Variants in SNTG2 observed in about 807,000 individuals in gnomAD.
SNTG2 encodes syntrophin gamma 2.
A neutral mutation model predicts 70.9 loss-of-function variants in SNTG2; 74 were observed. The observed-to-expected ratio is 1.04, with a 90% CI of 0.86 to 1.27. The LOEUF is 1.27. Among genes scored for constraint, SNTG2 ranks in the 50% most tolerant of loss-of-function variants. SNTG2 has a pLI of 0.00. For missense variants in SNTG2, 717 were observed against 690.7 expected (o/e 1.04, Z -0.43); for synonymous variants, 278 against 273.8 (o/e 1.02, Z -0.15).
chr2:1,234,150 G>A (rs944867765), intron 9 of SNTG2, among the ~76,000 whole-genome samples: 7 of 152,130 alleles, frequency 4.6e-5, no homozygotes, highest in Admixed American at 1.3e-4. Flanking sequence ...GGAGGAAACC[G>A]TGAAACTCGG....
intron 4 of SNTG2, among the ~76,000 whole-genome samples, chr2:1,099,792 G>A (rs1478734646): frequency 2.0e-5 from 3 of 152,064 alleles, no homozygotes; most frequent in Admixed American, 6.5e-5. Context: ...CTGTGAACAC[G>A]TTCTCAGGGA....
chr2:1,219,206 G>C (rs1674591998), intron 9 of SNTG2, among the ~76,000 whole-genome samples: 2 of 152,154 alleles, frequency 1.3e-5, no homozygotes, highest in Non-Finnish European at 2.9e-5. Context: ...CATGTCAAGT[G>C]CTGGCTCCCC....
At chr2:1,181,606 G>A (rs1383104831) in intron 8 of SNTG2, among the ~76,000 whole-genome samples, 2 of 152,192 alleles carry the variant, frequency 1.3e-5, no homozygotes, top group Admixed American at 6.5e-5. Context: ...GGTAGGTGGT[G>A]TGTAATGTTT....
intron 6 of SNTG2, among the ~76,000 whole-genome samples, chr2:1,155,757 G>A (rs746968525): frequency 6.6e-6 from 1 of 152,174 alleles, no homozygotes; most frequent in Non-Finnish European, 1.5e-5. Context: ...AAAGAGCTTC[G>A]TGGAGGTGCC....
In SNTG2 at chr2:1,137,817, AATTAC is replaced by A; in HGVS notation, c.411+12_411+16del. 6.2e-7 allele frequency: 1 copy of A among 1,605,946 alleles called. No individual in the cohort carries two copies. Among genetic ancestry groups the A allele is most frequent in the Non-Finnish European group, 8.5e-7 (1 of 1,173,646 alleles). On this transcript the variant is annotated intron_variant, in intron 6 of 16. Coordinates refer to ENST00000308624, the MANE Select transcript of SNTG2 (RefSeq NM_018968.4). Reference sequence around the variant, plus strand: ...GCAACTCATGAAGAAGTGGTAAGTGAATTACATTTTATAGTTATTCTGTTTATTAT... The same window carrying A: ...GCAACTCATGAAGAAGTGGTAAGTGAATTTTATAGTTATTCTGTTTATTAT...
rs550608587 is a variant in SNTG2, at chr2:1,189,159, TAGAA to T, written c.591+15979_591+15982del. Reference sequence around the variant, plus strand: ...AGTCAACTACAATTATATTCAAAAATAGAAAGCGTAATAAAAATATGTTAAAATA... The same window carrying T: ...AGTCAACTACAATTATATTCAAAAATAGCGTAATAAAAATATGTTAAAATA... On this transcript the variant is annotated intron_variant, in intron 8 of 16. Coordinates refer to ENST00000308624, the MANE Select transcript of SNTG2 (RefSeq NM_018968.4). Among the ~76,000 whole-genome samples the T allele has an allele frequency of 1.0e-3, 158 of 152,156 alleles. 1 individual carries two copies. Among genetic ancestry groups the T allele is most frequent in the Middle Eastern group, 6.8e-3 (2 of 292 alleles).
intron 1 of SNTG2, among the ~76,000 whole-genome samples, chr2:1,006,681 T>G (rs1659582677): frequency 6.6e-6 from 1 of 152,140 alleles, no homozygotes; most frequent in African/African-American, 2.4e-5. Context: ...GTAACAGTGT[T>G]GTTATGGCAT....
At chr2:1,124,295 T>C (rs934116497) in intron 4 of SNTG2, among the ~76,000 whole-genome samples, 3 of 115,108 alleles carry the variant, frequency 2.6e-5, no homozygotes, top group Non-Finnish European at 5.2e-5. Context: ...TATTACTCAG[T>C]CTTTTTTTAA....
At chr2:1,138,402 C>T (rs1029275584) in intron 6 of SNTG2, among the ~76,000 whole-genome samples, 4 of 152,112 alleles carry the variant, frequency 2.6e-5, no homozygotes, top group East Asian at 1.9e-4. Context: ...CGTCTATCCC[C>T]GAGGTACTCA....
chr2:1,248,618 A>G (rs1677575434), intron 12 of SNTG2, among the ~76,000 whole-genome samples: 1 of 152,370 alleles, frequency 6.6e-6, no homozygotes, highest in African/African-American at 2.4e-5. Context: ...TTCAAATTCA[A>G]GTCCCAGAGG....
At chr2:1,078,548 T>C (rs1664075478) in intron 1 of SNTG2, among the ~76,000 whole-genome samples, 1 of 151,968 alleles carries the variant, frequency 6.6e-6, no homozygotes, top group African/African-American at 2.4e-5. Flanking sequence ...GCAGGACAGC[T>C]GGACAGGGGA....
intron 8 of SNTG2, among the ~76,000 whole-genome samples, chr2:1,205,891 C>A (rs1673604226): frequency 6.6e-6 from 1 of 152,158 alleles, no homozygotes; most frequent in African/African-American, 2.4e-5. Flanking sequence ...ATAAATGCTA[C>A]AGGATGGCTT....
rs141948945 is a variant in SNTG2, at chr2:1,275,215, C to G, written c.1284+7644C>G. Reference sequence around the variant, plus strand: ...CATTAGTCCCCACCTCTTAAAGGCTCCACCTCCCAACATCCTTACCTCGGC... The same window carrying G: ...CATTAGTCCCCACCTCTTAAAGGCTGCACCTCCCAACATCCTTACCTCGGC... On this transcript the variant is annotated intron_variant, in intron 14 of 16. Transcript: ENST00000308624. Among the ~76,000 whole-genome samples the G allele has an allele frequency of 4.6e-5, 7 of 152,350 alleles. 1 individual carries two copies. In the East Asian group the frequency reaches 1.3e-3, roughly 29 times the overall value.
At chr2:1,306,866 CTGTG>C (rs1680701110) in intron 14 of SNTG2, among the ~76,000 whole-genome samples, 1 of 152,018 alleles carries the variant, frequency 6.6e-6, no homozygotes, top group Admixed American at 6.6e-5. Flanking sequence ...ATGCCATGCA[CTGTG>C]TGTGTCAGAG....
rs554953834 is a variant in SNTG2, at chr2:1,051,908, C to T, written c.73-31610C>T. Among the ~76,000 whole-genome samples, 113 of 151,958 alleles carry T rather than the reference C, an allele frequency of 7.4e-4. 2 individuals carry two copies. In the South Asian group the frequency reaches 0.019, roughly 26 times the overall value. ...GTTGGTTGTTGGATATTTTATTACACAACATTAGAGAACTCTTCCATGTTA... is the reference window on the plus strand; with the variant it reads ...GTTGGTTGTTGGATATTTTATTACATAACATTAGAGAACTCTTCCATGTTA... On this transcript the variant is annotated intron_variant, in intron 1 of 16. Transcript: ENST00000308624.
intron 9 of SNTG2, among the ~76,000 whole-genome samples, chr2:1,235,745 C>G (rs901538413): frequency 6.6e-6 from 1 of 152,242 alleles, no homozygotes; most frequent in Non-Finnish European, 1.5e-5. Flanking sequence ...GGCACCACCC[C>G]CTGTTCCTCC....
chr2:1,347,237 G>A (rs1226129169), intron 16 of SNTG2, among the ~76,000 whole-genome samples: 4 of 152,144 alleles, frequency 2.6e-5, no homozygotes, highest in South Asian at 2.1e-4. Context: ...ACAGGTAGGG[G>A]GCTTTGGGTC....
At chr2:1,363,668 A>G (rs1202902007) in intron 16 of SNTG2, among the ~76,000 whole-genome samples, 3 of 152,368 alleles carry the variant, frequency 2.0e-5, no homozygotes, top group African/African-American at 7.2e-5. Context: ...TTCAAACAAA[A>G]TGTCAAAATG....
chr2:1,270,699 T>A (rs36156265), intron 14 of SNTG2, among the ~76,000 whole-genome samples: 32,386 of 152,150 alleles, frequency 0.21, 4,748 homozygotes, highest in African/African-American at 0.41. Context: ...TCTCCGTAAA[T>A]GTGTTCTTCT....
Sources: allele counts gnomAD v4.1 joint callset (sites outside exome capture counted in the v4.1 genomes callset), GRCh38; gene constraint gnomAD v4.1.1; transcripts MANE v1.5; gene names NCBI Gene and HGNC (gene_info 2026-07-23, HGNC 2026-07-21).